The following SVIL variants were observed in gnomAD, a reference collection of about 807,000 sequenced individuals.
SVIL encodes the protein archvillin.
Under a neutral mutation model 240.4 loss-of-function variants are expected in SVIL, and 101 were observed. That is an observed-to-expected ratio of 0.42 (90% CI 0.36 to 0.50). The LOEUF (loss-of-function observed/expected upper bound fraction) is 0.50. Among genes scored for constraint, SVIL ranks in the 20% least tolerant of loss-of-function variants. The pLI, the probability that SVIL is intolerant of heterozygous loss-of-function variation, is 0.01. For missense variants in SVIL, 2,512 were observed against 2,818.7 expected, an observed-to-expected ratio of 0.89 and a Z score of 2.46; for synonymous variants, 999 against 1,100.0, an observed-to-expected ratio of 0.91 and a Z score of 1.82.
chr10:29,512,966 C>T, intron 16 of SVIL, 105 bp from the exon 17 acceptor site: 1 of 1,424,062 alleles, frequency 7.0e-7, no homozygotes, highest in Non-Finnish European at 9.4e-7. Context: ...GATATGACCA[C>T]AGCCGCCTCG....
At chr10:29,556,196 T>A (rs1227979844) in intron 3 of SVIL, among the ~76,000 whole-genome samples, 2 of 152,122 alleles carry the variant, frequency 1.3e-5, no homozygotes, top group Non-Finnish European at 2.9e-5. Context: ...AGGTCTCTCT[T>A]TTTGCCTCCT....
intron 1 of SVIL, among the ~76,000 whole-genome samples, chr10:29,587,419 C>T (rs1212660635): frequency 1.3e-5 from 2 of 152,268 alleles, no homozygotes; most frequent in African/African-American, 4.8e-5. Flanking sequence ...CAGGTCACCA[C>T]TGCACAATGC....
At chr10:29,684,564 T>TA (rs1280846358) in intron 2 of SVIL, among the ~76,000 whole-genome samples, 1 of 152,112 alleles carries the variant, frequency 6.6e-6, no homozygotes, top group Non-Finnish European at 1.5e-5. Flanking sequence ...GTGTTTGGGT[T>TA]AATATGGGGG....
At chr10:29,600,490 A>G (rs1956770311) in intron 1 of SVIL, among the ~76,000 whole-genome samples, 1 of 152,042 alleles carries the variant, frequency 6.6e-6, no homozygotes, top group African/African-American at 2.4e-5. Context: ...CGTGCAGCCC[A>G]GGCCTGTTGC....
intron 12 of SVIL, 91 bp from the exon 13 acceptor site, chr10:29,527,147 TAAATC>T (rs1334608289): frequency 2.5e-6 from 3 of 1,183,262 alleles, no homozygotes; most frequent in Non-Finnish European, 3.6e-6. Context: ...TCAGAAACGT[TAAATC>T]AAAAATTTTA....
chr10:29,723,468 G>A (rs910707362), intron 1 of SVIL, among the ~76,000 whole-genome samples: 5 of 152,106 alleles, frequency 3.3e-5, no homozygotes, highest in African/African-American at 1.2e-4. Context: ...TACTTGAACT[G>A]AAACTTTCGG....
intron 2 of SVIL, among the ~76,000 whole-genome samples, chr10:29,568,821 G>GGATGGA (rs1554859019): frequency 1.9e-3 from 252 of 130,764 alleles, no homozygotes; most frequent in African/African-American, 6.1e-3. Flanking sequence ...ATGGATGGAT[G>GGATGGA]TGTGTGTGTG....
chr10:29,571,465 G>A (rs1181287038), intron 1 of SVIL, among the ~76,000 whole-genome samples: 4 of 152,196 alleles, frequency 2.6e-5, no homozygotes, highest in African/African-American at 2.4e-5. Context: ...AAGAAGGGAC[G>A]CTTGAGTATT....
chr10:29,507,189 G>A (rs796085388), intron 17 of SVIL, among the ~76,000 whole-genome samples: 4 of 151,914 alleles, frequency 2.6e-5, no homozygotes, highest in East Asian at 1.9e-4. Context: ...GCCTCCCCTC[G>A]CTGAGTCTTC....
In SVIL at chr10:29,668,294, C is replaced by T. The variant is rs77051606; in HGVS notation, c.-300-10226G>A. ...GCTTTTTCTCCTCATGCTAAGTATGCACCTGCTCATCACCAAGGAAAGAAG... is the reference window on the plus strand; with the variant it reads ...GCTTTTTCTCCTCATGCTAAGTATGTACCTGCTCATCACCAAGGAAAGAAG... On this transcript the variant is annotated intron_variant, in intron 2 of 35. Coordinates refer to the SVIL transcript ENST00000375400. Among the ~76,000 whole-genome samples the T allele has an allele frequency of 2.3e-4, 35 of 152,252 alleles. No individual in the cohort carries two copies. In the East Asian group the frequency reaches 6.6e-3, roughly 29 times the overall value.
intron 1 of SVIL, among the ~76,000 whole-genome samples, chr10:29,609,502 C>T (rs1247433): frequency 0.084 from 12,857 of 152,280 alleles, 721 homozygotes; most frequent in Admixed American, 0.14. Context: ...CCACTCACCA[C>T]ACTGTAGGTA....
At chr10:29,595,995 G>A (rs989536029) in intron 1 of SVIL, among the ~76,000 whole-genome samples, 1 of 152,172 alleles carries the variant, frequency 6.6e-6, no homozygotes, top group African/African-American at 2.4e-5. Context: ...TTTCTGCAGT[G>A]TGACCCAAAA....
Position 29,550,086 on chromosome 10 carries a change from A to G in SVIL, c.827+511T>C, listed in dbSNP as rs958970598. On this transcript the variant is annotated intron_variant, in intron 6 of 37. Transcript: ENST00000355867. ...AAAAAAAAAACATAAGAAACGCACA[A>G]AGAAAAAGAACATGAGGCTTCCTGC... Among the ~76,000 whole-genome samples, 3 of 151,864 alleles carry G rather than the reference A, an allele frequency of 2.0e-5. No homozygotes were observed. In the East Asian group the frequency reaches 5.8e-4, roughly 29 times the overall value.
chr10:29,653,700 T>C (rs1958913295), intron 3 of SVIL, among the ~76,000 whole-genome samples: 1 of 152,170 alleles, frequency 6.6e-6, no homozygotes, highest in South Asian at 2.1e-4. Context: ...CTCTTATTAA[T>C]TTTGAGTTAA....
At chr10:29,671,747 A>T (rs115383474) in intron 2 of SVIL, among the ~76,000 whole-genome samples, 2,048 of 152,230 alleles carry the variant, frequency 0.013, 56 homozygotes, top group African/African-American at 0.046. Flanking sequence ...CTATTTTTTT[A>T]AATCTCCAAG....
intron 1 of SVIL, among the ~76,000 whole-genome samples, chr10:29,630,665 C>T (rs181407027): frequency 2.0e-5 from 3 of 152,082 alleles, no homozygotes; most frequent in African/African-American, 2.4e-5. Context: ...GGCAAAAGCA[C>T]GTGTACAGAA....
intron 1 of SVIL, among the ~76,000 whole-genome samples, chr10:29,728,410 T>C (rs1294156509): frequency 2.6e-5 from 4 of 152,210 alleles, no homozygotes; most frequent in Non-Finnish European, 4.4e-5. Context: ...CAAGTTGCAG[T>C]TCCAAAGAAC....
At chr10:29,479,520 G>A (rs1340515306) in intron 29 of SVIL, among the ~76,000 whole-genome samples, 2 of 152,182 alleles carry the variant, frequency 1.3e-5, no homozygotes, top group Non-Finnish European at 1.5e-5. Context: ...CACTGGCCGT[G>A]TGCTCAGCGA....
chr10:29,637,098 C>G (rs764030515), upstream of SVIL, among the ~76,000 whole-genome samples: 1 of 152,090 alleles, frequency 6.6e-6, no homozygotes, highest in Non-Finnish European at 1.5e-5. Context: ...TGTGAGCCAC[C>G]CTGCCTGGCC....
Sources: gnomAD v4.1 joint callset for allele counts (sites outside exome capture counted in the v4.1 genomes callset) on GRCh38, gnomAD v4.1.1 for gene constraint, MANE v1.5 for transcripts, NCBI Gene and HGNC (gene_info 2026-07-23, HGNC 2026-07-21) for gene names.